Variants in TNIK observed in about 807,000 individuals in gnomAD.
TNIK encodes TRAF2 and NCK-interacting protein kinase.
TNIK carries 49 observed loss-of-function variants against 191.3 expected under a neutral mutation model. The ratio of observed to expected loss-of-function variants is 0.26; its 90% CI spans 0.20 to 0.32. The LOEUF (loss-of-function observed/expected upper bound fraction) is 0.32. TNIK is among the 10% of genes least tolerant of loss of function. The pLI is 1.00. For missense variants in TNIK, 1,155 were observed against 1,702.3 expected (o/e 0.68, Z 5.66); for synonymous variants, 594 against 600.9 (o/e 0.99, Z 0.17).
intron 1 of TNIK, among the ~76,000 whole-genome samples, chr3:171,378,247 T>G (rs1717538085): frequency 6.6e-6 from 1 of 152,144 alleles, no homozygotes; most frequent in African/African-American, 2.4e-5. Context: ...ACCAATTAAT[T>G]GACAGTGAGA....
intron 2 of TNIK, among the ~76,000 whole-genome samples, chr3:171,359,415 A>G (rs888108898): frequency 2.0e-5 from 3 of 152,204 alleles, no homozygotes; most frequent in African/African-American, 7.2e-5. Context: ...TTGTTGTAAC[A>G]GACATTTTGT....
At chr3:171,141,047 C>A (rs1019546202) in intron 12 of TNIK, among the ~76,000 whole-genome samples, 3 of 152,132 alleles carry the variant, frequency 2.0e-5, no homozygotes, top group African/African-American at 7.2e-5. Context: ...ATCATGCTGC[C>A]TGTCTGTGTT....
intron 2 of TNIK, among the ~76,000 whole-genome samples, chr3:171,237,317 C>T (rs1306719370): frequency 6.6e-6 from 1 of 151,996 alleles, no homozygotes; most frequent in Non-Finnish European, 1.5e-5. Flanking sequence ...TTAGGGCCCA[C>T]CAAATCTAAA....
rs551967633 is a variant in TNIK at position 171,059,537 on chromosome 3, C to T, written c.*4344G>A. 1.3e-5 allele frequency among the ~76,000 whole-genome samples: 2 copies of T among 152,228 alleles called. No homozygotes were observed. Among genetic ancestry groups the T allele is most frequent in the South Asian group, 4.1e-4 (2 of 4,826 alleles). On this transcript the variant is annotated 3_prime_UTR_variant, in exon 33 of 33. Transcript: ENST00000436636. The stretch of plus-strand genomic sequence containing the variant: ...CTAGAAAATGTTTGGTAGGAATATA[C>T]AAATTGTCAGTTTTGAACTTGCAAA...
At chr3:171,375,827 A>G in intron 1 of TNIK, among the ~76,000 whole-genome samples, 1 of 152,142 alleles carries the variant, frequency 6.6e-6, no homozygotes, top group East Asian at 1.9e-4. Flanking sequence ...TGAAATTGAC[A>G]CGGATCATGA....
intron 2 of TNIK, among the ~76,000 whole-genome samples, chr3:171,241,594 A>G (rs1744999404): frequency 6.6e-6 from 1 of 152,222 alleles, no homozygotes; most frequent in Admixed American, 6.5e-5. Flanking sequence ...AGGAAGATTT[A>G]TTTCTGTAAA....
At chr3:171,182,712 G>A (rs979351628) in intron 7 of TNIK, among the ~76,000 whole-genome samples, 8 of 152,194 alleles carry the variant, frequency 5.3e-5, no homozygotes, top group Non-Finnish European at 8.8e-5. Flanking sequence ...GAACAAGAAA[G>A]CATTCCTTCT....
intron 7 of TNIK, among the ~76,000 whole-genome samples, chr3:171,186,642 T>C (rs780886623): frequency 4.6e-5 from 7 of 152,248 alleles, no homozygotes; most frequent in Non-Finnish European, 8.8e-5. Flanking sequence ...TCTAAATGAC[T>C]GACACCATTG....
At chr3:171,361,358 C>G (rs1454146953) in intron 2 of TNIK, among the ~76,000 whole-genome samples, 1 of 152,244 alleles carries the variant, frequency 6.6e-6, no homozygotes, top group Non-Finnish European at 1.5e-5. Flanking sequence ...AGCAACTCTA[C>G]AGGTTCAACT....
intron 2 of TNIK, among the ~76,000 whole-genome samples, chr3:171,231,387 A>G (rs1441831192): frequency 6.6e-6 from 1 of 151,586 alleles, no homozygotes; most frequent in South Asian, 2.1e-4. Context: ...AGAAAACAAC[A>G]CTTTAAATTT....
At chr3:171,316,016 C>T (rs1306032641) in intron 2 of TNIK, among the ~76,000 whole-genome samples, 2 of 152,042 alleles carry the variant, frequency 1.3e-5, no homozygotes, top group Non-Finnish European at 2.9e-5. Flanking sequence ...AAGAAAGAGG[C>T]TCTCACTGGC....
intron 1 of TNIK, among the ~76,000 whole-genome samples, chr3:171,393,948 T>C (rs1314103815): frequency 6.6e-6 from 1 of 152,238 alleles, no homozygotes; most frequent in East Asian, 1.9e-4. Context: ...TTGGGATGCA[T>C]CTGAAAATTA....
intron 12 of TNIK, among the ~76,000 whole-genome samples, chr3:171,153,239 A>C (rs1732707130): frequency 6.6e-6 from 1 of 151,842 alleles, no homozygotes; most frequent in Non-Finnish European, 1.5e-5. Context: ...TGTTCCTTCC[A>C]CTTCCTTATC....
intron 23 of TNIK, among the ~76,000 whole-genome samples, chr3:171,091,144 A>G (rs58127836): frequency 0.1 from 15,583 of 151,930 alleles, 919 homozygotes; most frequent in Middle Eastern, 0.16. Context: ...TTTTTCTGGT[A>G]TGTCTGTAAG....
chr3:171,310,141 T>C (rs1320913356), intron 2 of TNIK, among the ~76,000 whole-genome samples: 1 of 152,110 alleles, frequency 6.6e-6, no homozygotes, highest in African/African-American at 2.4e-5. Flanking sequence ...AAATGATCCA[T>C]GATAAAAGAC....
chr3:171,357,092 AT>A (rs1714194214), intron 2 of TNIK, among the ~76,000 whole-genome samples: 1 of 152,066 alleles, frequency 6.6e-6, no homozygotes, highest in East Asian at 1.9e-4. Context: ...AGGGAAAACA[AT>A]TTTTTTCTTT....
chr3:171,257,003 A>C (rs1371510826), intron 2 of TNIK, among the ~76,000 whole-genome samples: 2 of 152,190 alleles, frequency 1.3e-5, no homozygotes, highest in Non-Finnish European at 2.9e-5. Flanking sequence ...TTAAACTTAA[A>C]AAGCACCTAT....
At chr3:171,353,962 G>A (rs971550692) in intron 2 of TNIK, among the ~76,000 whole-genome samples, 22 of 151,858 alleles carry the variant, frequency 1.4e-4, no homozygotes, top group African/African-American at 4.6e-4. Context: ...CCCTCCAAAT[G>A]CCCCCAAAAG....
chr3:171,278,425 G>A (rs1237222000), intron 2 of TNIK, among the ~76,000 whole-genome samples: 1 of 151,958 alleles, frequency 6.6e-6, no homozygotes, highest in East Asian at 1.9e-4. Context: ...AGCATTCTAG[G>A]CCAAAGACTC....
Sources: gnomAD v4.1 joint callset for allele counts (sites outside exome capture counted in the v4.1 genomes callset) on GRCh38, gnomAD v4.1.1 for gene constraint, MANE v1.5 for transcripts, NCBI Gene and HGNC (gene_info 2026-07-23, HGNC 2026-07-21) for gene names.